REEP2: variants seen among roughly 807,000 people sequenced by gnomAD.
The protein encoded by REEP2 is receptor accessory protein 2.
A neutral mutation model predicts 32.1 loss-of-function variants in REEP2; 9 were observed. That is an observed-to-expected ratio of 0.28 (90% CI 0.17 to 0.49). The LOEUF (loss-of-function observed/expected upper bound fraction) is 0.49. Among genes scored for constraint, REEP2 ranks in the 20% least tolerant of loss-of-function variants. The pLI is 0.99. For missense variants in REEP2, 236 were observed against 338.0 expected, an observed-to-expected ratio of 0.70 and a Z score of 2.37; for synonymous variants, 128 against 139.1, an observed-to-expected ratio of 0.92 and a Z score of 0.56.
chr5:138,445,948 G>T lies in REEP2; in HGVS notation c.*197G>T. On this transcript the variant is annotated 3_prime_UTR_variant, in exon 8 of 8. Coordinates refer to ENST00000378339, the MANE Select transcript of REEP2 (RefSeq NM_001271803.2). ...AAGAGGAAGGAGGCCCAGCTGTGGG[G>T]GTTGAGGGTAGAGGGTGGACCAGAG... 1 of 618,508 alleles carries T rather than the reference G, an allele frequency of 1.6e-6. No homozygotes were observed. The highest frequency in any genetic ancestry group is 2.8e-6 in the Non-Finnish European group (1 of 353,360). The allele number at this position is 618,508 out of a possible 1,614,324, so 38.3% of individuals were successfully genotyped here. A position where few individuals can be genotyped will look rare whatever the true frequency, so the allele number is the denominator to read the frequency against.
rs113901601 is a variant in REEP2 at position 138,441,113 on chromosome 5, T to C, written c.105+25T>C. The C allele has an allele frequency of 1.2e-6, 2 of 1,613,248 alleles. No individual in the cohort carries two copies. On this transcript the variant is annotated intron_variant, in intron 2 of 7. Coordinates refer to ENST00000378339, the MANE Select transcript of REEP2 (RefSeq NM_001271803.2). This position sits in a 1 kb window ranked among gnomAD's most constrained non-coding sequence, Gnocchi z 4.4. Reference sequence around the variant, plus strand: ...TGTGAGTGGATGACCCTTCACCCCCTACCCAACCCACATGGCACAGAGAGG... The same window carrying C: ...TGTGAGTGGATGACCCTTCACCCCCCACCCAACCCACATGGCACAGAGAGG...
chr5:138,440,072 GGC>G (rs1243478019), intron 1 of REEP2, among the ~76,000 whole-genome samples: 1 of 152,226 alleles, frequency 6.6e-6, no homozygotes, highest in Non-Finnish European at 1.5e-5. Context: ...TGTGGAAACA[GGC>G]GACAGCCACA....
intron 3 of REEP2, among the ~76,000 whole-genome samples, chr5:138,442,425 G>A (rs966186008): frequency 4.6e-5 from 7 of 152,100 alleles, no homozygotes; most frequent in African/African-American, 1.7e-4. Flanking sequence ...AAAAATTGAG[G>A]GTAAAGGCCG....
At chr5:138,440,218 C>T (rs1006126502) in intron 1 of REEP2, among the ~76,000 whole-genome samples, 2 of 152,216 alleles carry the variant, frequency 1.3e-5, no homozygotes, top group Non-Finnish European at 2.9e-5. Flanking sequence ...TCCCTTCTTC[C>T]CATTCGGTAC....
intron 3 of REEP2, among the ~76,000 whole-genome samples, chr5:138,443,151 C>CTGCCT (rs1763857578): frequency 6.6e-6 from 1 of 151,780 alleles, no homozygotes; most frequent in Non-Finnish European, 1.5e-5. Context: ...GGCAACATAG[C>CTGCCT]AAGACCTGCC....
chr5:138,444,355 G>T (rs561482495), intron 3 of REEP2, 60 bp from the exon 4 acceptor site: 54 of 1,584,504 alleles, frequency 3.4e-5, no homozygotes, highest in Admixed American at 2.7e-4. Context: ...CGGTGCTGCT[G>T]GACACAGGGC....
chr5:138,446,100 C>A lies in REEP2; in HGVS notation c.*349C>A, dbSNP rs535345279. On this transcript the variant is annotated 3_prime_UTR_variant, in exon 8 of 8. Transcript: ENST00000378339. ...CCATAGCAATCCGCTTCTCAGAGGT[C>A]CTGTCGTGTTTCCACTGCTCGCCTT... is the stretch of plus-strand genomic sequence containing the variant. 4 of 279,774 alleles carry A rather than the reference C, an allele frequency of 1.4e-5. No homozygotes were observed. In the East Asian group the frequency reaches 2.9e-4, roughly 20 times the overall value. 17.3% of individuals were successfully genotyped at this position (279,774 alleles called of 1,614,324 possible).
rs1763925269 is a variant in REEP2 at position 138,446,019 on chromosome 5, AC to A, written c.*270del. On this transcript the variant is annotated 3_prime_UTR_variant, in exon 8 of 8. Transcript: ENST00000378339. ...AGGAGGTGGGGACTGCTCGGCCTCC[AC>A]CGCTGTTCCGCTGCAGCCCCGCCCT... 1 of 489,986 alleles carries A rather than the reference AC, an allele frequency of 2.0e-6. No homozygotes were observed. Among genetic ancestry groups the A allele is most frequent in the Admixed American group, 3.7e-5 (1 of 26,904 alleles). The allele number at this position is 489,986 out of a possible 1,614,324, so 30.4% of individuals were successfully genotyped here. A position where few individuals can be genotyped will look rare whatever the true frequency, so the allele number is the denominator to read the frequency against.
chr5:138,445,769 G>A lies in REEP2; in HGVS notation c.*18G>A. ...CAGCTTGAGCCCCTCCACCCCCGCA[G>A]GCTGCAGAGCAAGGATGAAGCCTCA... is the stretch of plus-strand genomic sequence containing the variant. On this transcript the variant is annotated 3_prime_UTR_variant, in exon 8 of 8. Coordinates refer to ENST00000378339, the MANE Select transcript of REEP2 (RefSeq NM_001271803.2). 3 of 1,611,074 alleles carry A rather than the reference G, an allele frequency of 1.9e-6. No homozygotes were observed. Among genetic ancestry groups the A allele is most frequent in the Non-Finnish European group, 2.5e-6 (3 of 1,178,644 alleles).
At position 138,442,860 on chromosome 5, in the gene REEP2, C is replaced by CA. The variant is rs71574416; in HGVS notation, c.182+1416dup. Among the ~76,000 whole-genome samples the CA allele has an allele frequency of 5.9e-3, 706 of 119,544 alleles. 2 individuals are homozygous for CA. Among genetic ancestry groups the CA allele is most frequent in the Middle Eastern group, 8.4e-3 (2 of 238 alleles). 78.4% of individuals were successfully genotyped at this position (119,544 alleles called of 152,430 possible). ...TGGGCAACAGGGTGAGATTCTGTCT[C>CA]AAAAAAAAAAAAAAAAATAGCTAGG... On this transcript the variant is annotated intron_variant, in intron 3 of 7. Coordinates refer to ENST00000378339, the MANE Select transcript of REEP2 (RefSeq NM_001271803.2).
At position 138,444,811 on chromosome 5, in the gene REEP2, G is replaced by T. The variant is rs1210799590; in HGVS notation, c.361G>T (p.Val121Leu). 1 of 1,614,068 alleles carries T rather than the reference G, an allele frequency of 6.2e-7. No individual in the cohort carries two copies. The change falls in exon 5 of 8, where the codon GTG becomes TTG. Residue 121 changes from valine (V) to leucine (L), a missense_variant. Transcript: ENST00000378339. ...CAAGAGCTATGAGACCATGATGAGG[G>T]TGGGCAAGAGGGGCCTGAACCTTGC... ...RDKSYETMMR[V>L]GKRGLNLAAN...
At chr5:138,445,660 C>T in intron 7 of REEP2, 23 bp from the exon 8 acceptor site, 1 of 1,614,150 alleles carries the variant, frequency 6.2e-7, no homozygotes, top group South Asian at 1.1e-5. Context: ...GGCTGAGCCC[C>T]ATCTTCCTCC....
chr5:138,440,992 C>A lies in REEP2; in HGVS notation c.33-24C>A, dbSNP rs763095330. On this transcript the variant is annotated intron_variant, in intron 1 of 7. Coordinates refer to ENST00000378339, the MANE Select transcript of REEP2 (RefSeq NM_001271803.2). ...GGCCACTGCCCTTGGCTGAGAGGCCCAGTAACCATGCCTGCCTCCCTAGGC... is the reference window on the plus strand; with the variant it reads ...GGCCACTGCCCTTGGCTGAGAGGCCAAGTAACCATGCCTGCCTCCCTAGGC... 8 of 1,610,766 alleles carry A rather than the reference C, an allele frequency of 5.0e-6. No individual in the cohort carries two copies. In the East Asian group the frequency reaches 1.8e-4, roughly 36 times the overall value.
chr5:138,444,571 C>A, intron 4 of REEP2, 36 bp downstream of exon 4: 1 of 1,611,160 alleles, frequency 6.2e-7, no homozygotes. Context: ...CCCAGCCTGC[C>A]CCCAGCCAAG....
At position 138,445,461 on chromosome 5, in the gene REEP2, C is replaced by T. The variant is rs1438336363; in HGVS notation, c.566-7C>T. On this transcript the variant is annotated splice_region_variant and splice_polypyrimidine_tract_variant and intron_variant, in intron 6 of 7. Coordinates refer to ENST00000378339, the MANE Select transcript of REEP2 (RefSeq NM_001271803.2). ...ATTCCCCCACCTCCTTTTCTCCCTG[C>T]ACCCAGGAGATGACCCTGCCCTGAG... 1.2e-6 allele frequency: 2 copies of T among 1,614,144 alleles called. No individual in the cohort carries two copies. Among genetic ancestry groups the T allele is most frequent in the East Asian group, 2.2e-5 (1 of 44,884 alleles).
chr5:138,442,733 T>A (rs1580977287), intron 3 of REEP2, among the ~76,000 whole-genome samples: 1 of 151,466 alleles, frequency 6.6e-6, no homozygotes, highest in Admixed American at 6.6e-5. Flanking sequence ...TGGTGGCGGG[T>A]GTCTGTAGTC....
intron 1 of REEP2, among the ~76,000 whole-genome samples, chr5:138,440,196 G>A (rs1307739996): frequency 6.6e-6 from 1 of 152,202 alleles, no homozygotes; most frequent in Non-Finnish European, 1.5e-5. Context: ...GACACCGGCA[G>A]CCCCACCCTG....
intron 3 of REEP2, among the ~76,000 whole-genome samples, chr5:138,442,373 G>A (rs1195543678): frequency 6.6e-6 from 1 of 152,150 alleles, no homozygotes; most frequent in East Asian, 1.9e-4. Flanking sequence ...TTGCATTTGA[G>A]AAAAATAGTT....
In REEP2 at chr5:138,441,200, C is replaced by T. The variant is rs1284481542; in HGVS notation, c.105+112C>T. 8 of 1,445,692 alleles carry T rather than the reference C, an allele frequency of 5.5e-6. No homozygotes were observed. Among genetic ancestry groups the T allele is most frequent in the Non-Finnish European group, 7.7e-6 (8 of 1,044,092 alleles). 89.6% of individuals were successfully genotyped at this position (1,445,692 alleles called of 1,614,324 possible). ...TTGCACCAACACTGTCAGCCACTAA[C>T]AAGACCCACCAGCAAAGGAGGGCCC... On this transcript the variant is annotated intron_variant, in intron 2 of 7. Coordinates refer to ENST00000378339, the MANE Select transcript of REEP2 (RefSeq NM_001271803.2). This position sits in a 1 kb window ranked among gnomAD's most constrained non-coding sequence, Gnocchi z 4.4.
Sources: gnomAD v4.1 joint callset for allele counts (sites outside exome capture counted in the v4.1 genomes callset) on GRCh38, gnomAD v4.1.1 for gene constraint, Gnocchi (gnomAD v3.1) non-coding constraint, MANE v1.5 for transcripts, NCBI Gene and HGNC (gene_info 2026-07-23, HGNC 2026-07-21) for gene names.